Variants in CHD6 observed in about 807,000 individuals in gnomAD.
CHD6 encodes the protein ATP-dependent chromatin remodeler CHD6.
In CHD6, 50 loss-of-function variants were observed where a neutral mutation model predicts 276.9. The ratio of observed to expected loss-of-function variants is 0.18; its 90% CI spans 0.14 to 0.23. The LOEUF is 0.23. CHD6 is among the 10% of genes least tolerant of loss of function. The pLI is 1.00. For synonymous variants in CHD6, 1,173 were observed against 1,229.3 expected (o/e 0.95, Z 0.96); for missense variants, 2,564 against 3,365.8 (o/e 0.76, Z 5.89).
chr20:41,418,986 C>T (rs117356904), intron 31 of CHD6, among the ~76,000 whole-genome samples: 60 of 152,246 alleles, frequency 3.9e-4, no homozygotes, highest in Non-Finnish European at 7.2e-4. Flanking sequence ...CACTTGATTG[C>T]CTGGGTTTCC....
In CHD6 at chr20:41,522,499, A is replaced by T. The variant is rs147908634; in HGVS notation, c.555-7547T>A. On this transcript the variant is annotated intron_variant, in intron 3 of 36. Transcript: ENST00000373233. ...ATGATCTTAAAATGTCTCCCTGCAG[A>T]TTACTTATTAGTTATAAGGGAACGA... Among the ~76,000 whole-genome samples, 849 of 152,306 alleles carry T rather than the reference A, an allele frequency of 5.6e-3. 8 individuals carry two copies. The highest frequency in any genetic ancestry group is 0.024 in the Middle Eastern group (7 of 294).
At chr20:41,519,646 C>T (rs2044338027) in intron 3 of CHD6, among the ~76,000 whole-genome samples, 1 of 152,120 alleles carries the variant, frequency 6.6e-6, no homozygotes, top group South Asian at 2.1e-4. Flanking sequence ...AACTGGATCC[C>T]TTCCTTACAC....
intron 23 of CHD6, among the ~76,000 whole-genome samples, chr20:41,448,823 T>C (rs1261775928): frequency 2.6e-5 from 4 of 152,276 alleles, no homozygotes; most frequent in South Asian, 2.1e-4. Flanking sequence ...TTAGAACTTA[T>C]AGATTGGAAA....
chr20:41,479,832 G>A (rs2043255543), intron 16 of CHD6, among the ~76,000 whole-genome samples: 1 of 152,172 alleles, frequency 6.6e-6, no homozygotes, highest in African/African-American at 2.4e-5. Context: ...CACCAATGAA[G>A]CAGTTCACTG....
rs73613213 is a variant in CHD6 at position 41,574,968 on chromosome 20, A to G, written c.-23-23608T>C. Among the ~76,000 whole-genome samples the G allele has an allele frequency of 1.6e-3, 238 of 152,328 alleles. 2 individuals are homozygous for G. The highest frequency in any genetic ancestry group is 0.013 in the East Asian group (69 of 5,186). On this transcript the variant is annotated intron_variant, in intron 1 of 36. Coordinates refer to ENST00000373233, the MANE Select transcript of CHD6 (RefSeq NM_032221.5). ...GTGGCCCAGGGAAAACCGATCAGAC[A>G]TTTGACTAGGAGTGTAACTTTGTAA...
At chr20:41,592,059 G>A (rs1276757939) in intron 1 of CHD6, among the ~76,000 whole-genome samples, 1 of 151,188 alleles carries the variant, frequency 6.6e-6, no homozygotes, top group Non-Finnish European at 1.5e-5. Context: ...AGATCGTGCC[G>A]CTGCACTCCA....
intron 16 of CHD6, among the ~76,000 whole-genome samples, chr20:41,477,411 T>C (rs923297425): frequency 2.0e-5 from 3 of 152,064 alleles, no homozygotes; most frequent in African/African-American, 7.2e-5. Flanking sequence ...ATAGACTATT[T>C]TACTAAACAG....
At chr20:41,506,648 T>C (rs889660525) in intron 5 of CHD6, among the ~76,000 whole-genome samples, 3 of 152,242 alleles carry the variant, frequency 2.0e-5, no homozygotes, top group African/African-American at 7.2e-5. Flanking sequence ...TTAAGGTTTA[T>C]TAACAGCCTC....
At chr20:41,464,705 G>A (rs968418239) in intron 17 of CHD6, among the ~76,000 whole-genome samples, 3 of 152,176 alleles carry the variant, frequency 2.0e-5, no homozygotes, top group African/African-American at 7.2e-5. Flanking sequence ...GGGTCTAGAA[G>A]CAATAACAAT....
intron 5 of CHD6, among the ~76,000 whole-genome samples, chr20:41,506,018 T>C (rs1316824264): frequency 2.0e-5 from 3 of 152,156 alleles, no homozygotes; most frequent in African/African-American, 4.8e-5. Flanking sequence ...TTCCTTTCCA[T>C]ACACCATATC....
intron 1 of CHD6, among the ~76,000 whole-genome samples, chr20:41,555,612 C>T (rs1286102382): frequency 4.0e-5 from 6 of 150,462 alleles, no homozygotes; most frequent in East Asian, 2.0e-4. Flanking sequence ...ACCTCCCAGA[C>T]GGGGTCGCGG....
At chr20:41,582,378 G>T (rs568294176) in intron 1 of CHD6, among the ~76,000 whole-genome samples, 2 of 152,198 alleles carry the variant, frequency 1.3e-5, no homozygotes, top group African/African-American at 4.8e-5. Context: ...TATTATAAAA[G>T]GAAACAATAT....
intron 1 of CHD6, among the ~76,000 whole-genome samples, chr20:41,587,075 G>T (rs760466498): frequency 1.1e-4 from 16 of 151,988 alleles, no homozygotes; most frequent in Non-Finnish European, 8.8e-5. Context: ...AAATTCCAAA[G>T]AATCTATAAA....
chr20:41,552,768 T>G lies in CHD6; in HGVS notation c.-23-1408A>C, dbSNP rs189856984. ...CCATGGAATCTGTCCTAGAGAGACA[T>G]GTCTACCAAGGTACTGCTGTTTGCA... On this transcript the variant is annotated intron_variant, in intron 1 of 36. Coordinates refer to ENST00000373233, the MANE Select transcript of CHD6 (RefSeq NM_032221.5). Among the ~76,000 whole-genome samples, 122 of 152,292 alleles carry G rather than the reference T, an allele frequency of 8.0e-4. 1 individual carries two copies. Among genetic ancestry groups the G allele is most frequent in the African/African-American group, 2.7e-3 (112 of 41,568 alleles).
chr20:41,586,914 A>G (rs1049713590), intron 1 of CHD6, among the ~76,000 whole-genome samples: 1 of 152,240 alleles, frequency 6.6e-6, no homozygotes, highest in African/African-American at 2.4e-5. Context: ...ACACAAAGAC[A>G]TCTAATTTCA....
Position 41,452,794 on chromosome 20 carries a change from C to G in CHD6, c.3269G>C (p.Arg1090Thr), listed in dbSNP as rs1282424798. The change falls in exon 21 of 37, where the codon AGG becomes ACG. Residue 1090 changes from arginine (R) to threonine (T), a missense_variant. Physicochemically the swap from Arg to Thr is moderately conservative, Grantham distance 71. This residue lies in a region of CHD6 where 515 missense variants were observed against 739.5 expected (regional missense o/e 0.70). Coordinates refer to ENST00000373233, the MANE Select transcript of CHD6 (RefSeq NM_032221.5). This position sits in a 1 kb window ranked among gnomAD's most constrained non-coding sequence, Gnocchi z 4.2. ...TRSRRLNDKA[R>T]RYLRAECFRV... ...GAAGCACTCCGCTCGGAGGTAGCGC[C>G]TGGCTTTGTCATTGAGGCGCCTGGA... The G allele has an allele frequency of 1.2e-6, 2 of 1,613,358 alleles. No homozygotes were observed. The highest frequency in any genetic ancestry group is 1.7e-6 in the Non-Finnish European group (2 of 1,179,898).
chr20:41,580,358 G>A (rs1160564825), intron 1 of CHD6, among the ~76,000 whole-genome samples: 1 of 151,976 alleles, frequency 6.6e-6, no homozygotes, highest in African/African-American at 2.4e-5. Flanking sequence ...TCACCTTTCT[G>A]TGACTCCCTT....
At chr20:41,549,486 A>C (rs1406172278) in intron 2 of CHD6, among the ~76,000 whole-genome samples, 2 of 104,594 alleles carry the variant, frequency 1.9e-5, no homozygotes, top group Non-Finnish European at 3.6e-5. Context: ...CACTCCGGAG[A>C]CTGTTGTGGG....
intron 1 of CHD6, among the ~76,000 whole-genome samples, chr20:41,560,434 G>T (rs2045289803): frequency 6.6e-6 from 1 of 152,166 alleles, no homozygotes; most frequent in African/African-American, 2.4e-5. Flanking sequence ...CTGGTGTCAT[G>T]TTCTCCGGGA....
Sources: gnomAD v4.1 joint callset for allele counts (sites outside exome capture counted in the v4.1 genomes callset) on GRCh38, gnomAD v4.1.1 for gene constraint, gnomAD v4.1.1 regional missense constraint, Gnocchi (gnomAD v3.1) non-coding constraint, MANE v1.5 for transcripts, NCBI Gene and HGNC (gene_info 2026-07-23, HGNC 2026-07-21) for gene names.